The following SPECC1L variants were observed in gnomAD, a reference collection of about 807,000 sequenced individuals.
The protein encoded by SPECC1L is sperm antigen with calponin homology and coiled-coil domains 1 like.
In SPECC1L, 40 loss-of-function variants were observed where a neutral mutation model predicts 116.8. That is an observed-to-expected ratio of 0.34 (90% CI 0.27 to 0.45). The LOEUF is 0.45. Among genes scored for constraint, SPECC1L ranks in the 20% least tolerant of loss-of-function variants. SPECC1L has a pLI of 1.00. For missense variants in SPECC1L, 1,110 were observed against 1,373.6 expected, an observed-to-expected ratio of 0.81 and a Z score of 3.03; for synonymous variants, 504 against 500.6, an observed-to-expected ratio of 1.01 and a Z score of -0.09.
At chr22:24,323,660 A>G (rs2040764391) in intron 5 of SPECC1L, among the ~76,000 whole-genome samples, 1 of 152,246 alleles carries the variant, frequency 6.6e-6, no homozygotes, top group Non-Finnish European at 1.5e-5. Context: ...ATTTTAAAAT[A>G]AATTTTCATA....
At chr22:24,360,704 G>A (rs534173960) in intron 11 of SPECC1L, among the ~76,000 whole-genome samples, 3 of 152,198 alleles carry the variant, frequency 2.0e-5, no homozygotes, top group East Asian at 1.9e-4. Flanking sequence ...TTCAACCTTC[G>A]TTTTCACTTT....
intron 2 of SPECC1L, among the ~76,000 whole-genome samples, chr22:24,282,081 TTTC>T (rs1249905840): frequency 1.3e-5 from 2 of 152,178 alleles, no homozygotes; most frequent in African/African-American, 4.8e-5. Context: ...GAGTTGAAAC[TTTC>T]TTCTTGAGCT....
At chr22:24,367,456 C>T (rs572955724) in intron 13 of SPECC1L, among the ~76,000 whole-genome samples, 3 of 151,878 alleles carry the variant, frequency 2.0e-5, no homozygotes, top group East Asian at 3.9e-4. Context: ...TTAGCTCATC[C>T]GCTATTGTTC....
At chr22:24,397,381 GC>G in intron 14 of SPECC1L, among the ~76,000 whole-genome samples, 1 of 152,304 alleles carries the variant, frequency 6.6e-6, no homozygotes, top group South Asian at 2.1e-4. Context: ...TACTCAGATG[GC>G]CTGGATGTCC....
chr22:24,307,864 TTTTCTAAA>T (rs2049533219), intron 3 of SPECC1L, among the ~76,000 whole-genome samples: 1 of 151,952 alleles, frequency 6.6e-6, no homozygotes, highest in African/African-American at 2.4e-5. Flanking sequence ...CTAAAAGTGT[TTTTCTAAA>T]TTTCATATTT....
At chr22:24,284,382 CAG>C (rs1274271897) in intron 2 of SPECC1L, among the ~76,000 whole-genome samples, 4 of 152,068 alleles carry the variant, frequency 2.6e-5, no homozygotes, top group African/African-American at 7.2e-5. Flanking sequence ...CAGAATTTTC[CAG>C]AGATATTCCA....
At chr22:24,388,230 C>T (rs898024536) in intron 14 of SPECC1L, among the ~76,000 whole-genome samples, 1 of 112,754 alleles carries the variant, frequency 8.9e-6, no homozygotes, top group Non-Finnish European at 1.8e-5. Flanking sequence ...TATCCCTCCC[C>T]CCTCCCCCCA....
In SPECC1L at chr22:24,415,209, T is replaced by G; in HGVS notation, c.*586T>G. On this transcript the variant is annotated 3_prime_UTR_variant, in exon 17 of 17. Transcript: ENST00000314328. ...TGTCCCGGCCGACACAATCCAGGCG[T>G]GTTCAGCCTGAGCTAGGAGAGTATC... 6.0e-6 allele frequency: 1 copy of G among 167,758 alleles called. No individual in the cohort carries two copies. Among genetic ancestry groups the G allele is most frequent in the South Asian group, 1.5e-4 (1 of 6,828 alleles). The allele number at this position is 167,758 out of a possible 1,614,324, so 10.4% of individuals were successfully genotyped here.
intron 14 of SPECC1L, among the ~76,000 whole-genome samples, chr22:24,405,648 T>C (rs2042574810): frequency 6.6e-6 from 1 of 152,114 alleles, no homozygotes; most frequent in Non-Finnish European, 1.5e-5. Context: ...GAGACCAGCC[T>C]GACCAACATG....
chr22:24,295,885 T>C (rs1251481584), intron 2 of SPECC1L, among the ~76,000 whole-genome samples: 2 of 152,130 alleles, frequency 1.3e-5, no homozygotes, highest in Non-Finnish European at 2.9e-5. Flanking sequence ...GAGGCAGATG[T>C]TGCAGTGAGC....
intron 2 of SPECC1L, among the ~76,000 whole-genome samples, chr22:24,278,834 C>T (rs1488765422): frequency 6.6e-6 from 1 of 152,134 alleles, no homozygotes; most frequent in Non-Finnish European, 1.5e-5. Context: ...GAAACACCAT[C>T]GTAAAATGTA....
rs1261286585 is a variant in SPECC1L, at chr22:24,321,625, TA to T, written c.647del (p.Asn216MetfsTer45). On this transcript the variant is annotated frameshift_variant, in exon 5 of 17. Transcript: ENST00000314328. LOFTEE classifies it high-confidence loss of function. Reference protein sequence around the residue: ...LRDMRAQLGINEDHSEGDEKS... With the variant: ...LRDMRAQLGIXEDHSEGDEKS... ...GAGACATGCGTGCCCAGCTGGGCAT[TA>T]ATGAGGATCATTCTGAGGGTGATGA... 1 of 1,614,214 alleles carries T rather than the reference TA, an allele frequency of 6.2e-7. No individual in the cohort carries two copies. The highest frequency in any genetic ancestry group is 1.1e-5 in the South Asian group (1 of 91,086).
chr22:24,398,730 GC>G (rs1023587160), intron 14 of SPECC1L, among the ~76,000 whole-genome samples: 1 of 152,042 alleles, frequency 6.6e-6, no homozygotes, highest in Non-Finnish European at 1.5e-5. Context: ...ATTAAAGAAG[GC>G]CCCCCTGGAT....
Position 24,291,876 on chromosome 22 carries a change from TTTGTTG to T in SPECC1L, c.-37-10307_-37-10302del, listed in dbSNP as rs143303070. Among the ~76,000 whole-genome samples the T allele has an allele frequency of 5.4e-3, 827 of 152,282 alleles. 7 individuals are homozygous for T. Among genetic ancestry groups the T allele is most frequent in the Middle Eastern group, 0.027 (8 of 294 alleles). On this transcript the variant is annotated intron_variant, in intron 2 of 16. Coordinates refer to ENST00000314328, the MANE Select transcript of SPECC1L (RefSeq NM_015330.6). ...GTCTCCTGGATAGTAGTGTTTTCTT[TTTGTTG>T]TTGTTGTTGTTTTTGAATAAGCACA...
intron 14 of SPECC1L, among the ~76,000 whole-genome samples, chr22:24,370,908 G>A (rs1409462997): frequency 2.0e-5 from 3 of 151,564 alleles, no homozygotes; most frequent in Non-Finnish European, 4.4e-5. Context: ...AATGATGGTT[G>A]CCAGGGGCTG....
intron 14 of SPECC1L, among the ~76,000 whole-genome samples, chr22:24,405,494 C>T (rs779782307): frequency 6.6e-6 from 1 of 151,974 alleles, no homozygotes; most frequent in Admixed American, 6.6e-5. Flanking sequence ...TGGATTCATG[C>T]CATCTGCAAC....
chr22:24,285,399 A>C (rs2049021370), intron 2 of SPECC1L, among the ~76,000 whole-genome samples: 1 of 152,182 alleles, frequency 6.6e-6, no homozygotes, highest in African/African-American at 2.4e-5. Context: ...TAAAGATGAA[A>C]GACCGAAATT....
intron 11 of SPECC1L, among the ~76,000 whole-genome samples, chr22:24,354,612 G>GT (rs960391878): frequency 5.3e-5 from 8 of 149,988 alleles, no homozygotes; most frequent in East Asian, 2.0e-4. Context: ...GCCTATCTTG[G>GT]TTTTTTTTCC....
intron 2 of SPECC1L, among the ~76,000 whole-genome samples, chr22:24,290,433 C>A (rs2049136009): frequency 6.6e-6 from 1 of 152,178 alleles, no homozygotes; most frequent in Non-Finnish European, 1.5e-5. Context: ...AAATGTACTA[C>A]ATGTTACAAT....
Sources: allele counts gnomAD v4.1 joint callset (sites outside exome capture counted in the v4.1 genomes callset), GRCh38; gene constraint gnomAD v4.1.1; transcripts MANE v1.5; gene names NCBI Gene and HGNC (gene_info 2026-07-23, HGNC 2026-07-21).